TSPEAR: variants seen among roughly 807,000 people sequenced by gnomAD.
TSPEAR encodes the protein thrombospondin type laminin G domain and EAR repeats.
TSPEAR carries 69 observed loss-of-function variants against 71.6 expected under a neutral mutation model. That is an observed-to-expected ratio of 0.96 (90% CI 0.79 to 1.18). The LOEUF is 1.18. TSPEAR is among the 50% of genes most tolerant of loss of function. TSPEAR has a pLI of 0.00. For missense variants in TSPEAR, 971 were observed against 894.9 expected (o/e 1.09, Z -1.09); for synonymous variants, 402 against 387.2 (o/e 1.04, Z -0.45).
intron 1 of TSPEAR, among the ~76,000 whole-genome samples, chr21:44,645,358 C>CTT (rs34384761): frequency 3.1e-5 from 4 of 130,840 alleles, no homozygotes; most frequent in African/African-American, 1.1e-4. Context: ...GGCCACTTAG[C>CTT]TTTTTTTTTT....
chr21:44,526,036 A>T, intron 7 of TSPEAR, 197 bp from the exon 8 acceptor site: 1 of 494,788 alleles, frequency 2.0e-6, no homozygotes, highest in Non-Finnish European at 3.6e-6. Flanking sequence ...ATTCATCAAG[A>T]CCCTTGAAAA....
intron 1 of TSPEAR, chr21:44,592,463 C>A: frequency 6.2e-7 from 1 of 1,611,254 alleles, no homozygotes; most frequent in Non-Finnish European, 8.5e-7. Flanking sequence ...CTGGAGCAGA[C>A]GGACATGGTG....
chr21:44,572,431 G>A (rs1411325581), intron 1 of TSPEAR, among the ~76,000 whole-genome samples: 1 of 152,072 alleles, frequency 6.6e-6, no homozygotes, highest in Non-Finnish European at 1.5e-5. Flanking sequence ...CCGCTTTTCA[G>A]CCACTATTCC....
chr21:44,689,834 C>T lies in TSPEAR; in HGVS notation c.82+21599G>A, dbSNP rs537841606. On this transcript the variant is annotated intron_variant, in intron 1 of 11. Transcript: ENST00000323084. The stretch of plus-strand genomic sequence containing the variant: ...AGGAGCAAAGAGATCCAGTCTGAGT[C>T]CCAAAACTGAAGAACTTGGAGTCCA... 1.1e-4 allele frequency among the ~76,000 whole-genome samples: 16 copies of T among 149,722 alleles called. No individual in the cohort carries two copies. The South Asian group carries it at 3.5e-3, about 32-fold the overall frequency.
intron 2 of TSPEAR, among the ~76,000 whole-genome samples, chr21:44,553,800 G>A (rs587642091): frequency 8.1e-4 from 123 of 152,214 alleles, no homozygotes; most frequent in African/African-American, 2.8e-3. Context: ...AATAATACAC[G>A]ATCTGGAAAT....
chr21:44,608,036 G>A (rs1014324496), intron 1 of TSPEAR, among the ~76,000 whole-genome samples: 1 of 152,102 alleles, frequency 6.6e-6, no homozygotes. Context: ...GAGATCAGTC[G>A]TTTCCTGGGG....
rs1340642193 is a variant in TSPEAR at position 44,506,375 on chromosome 21, C to T, written c.1755-1494G>A. On this transcript the variant is annotated intron_variant, in intron 10 of 11. Transcript: ENST00000323084. The surrounding 1 kb of genome is among the most constrained non-coding windows in gnomAD (Gnocchi z 4.2). ...GCGTCCTGCTGACATGCAGGCCAGG[C>T]GGGTGCCTCTGTATTCAGCAGCCTC... Among the ~76,000 whole-genome samples, 5 of 152,246 alleles carry T rather than the reference C, an allele frequency of 3.3e-5. No homozygotes were observed. Among genetic ancestry groups the T allele is most frequent in the African/African-American group, 4.8e-5 (2 of 41,472 alleles).
intron 1 of TSPEAR, among the ~76,000 whole-genome samples, chr21:44,683,881 A>C (rs1986735284): frequency 6.6e-6 from 1 of 152,234 alleles, no homozygotes; most frequent in Non-Finnish European, 1.5e-5. Context: ...CAGTAGAGTA[A>C]TTGAAGCTAT....
In TSPEAR at chr21:44,535,264, C is replaced by T. The variant is rs141069231; in HGVS notation, c.304-1341G>A. On this transcript the variant is annotated intron_variant, in intron 2 of 11. Transcript: ENST00000323084. ...TTTTACCACAATTAAAAAACAAGAA[C>T]GTATACAAATGCGGTGTCCACCAAG... Among the ~76,000 whole-genome samples the T allele has an allele frequency of 5.5e-3, 837 of 152,166 alleles. 7 individuals carry two copies. Among genetic ancestry groups the T allele is most frequent in the African/African-American group, 0.019 (808 of 41,516 alleles).
At chr21:44,526,233 T>C (rs1184729448) in intron 7 of TSPEAR, among the ~76,000 whole-genome samples, 1 of 152,232 alleles carries the variant, frequency 6.6e-6, no homozygotes, top group Non-Finnish European at 1.5e-5. Flanking sequence ...CAAAGCTGTG[T>C]CAGGGCAATG....
At chr21:44,533,581 C>CA in intron 3 of TSPEAR, 104 bp downstream of exon 3, 1 of 1,000,694 alleles carries the variant, frequency 1.0e-6, no homozygotes, top group Non-Finnish European at 1.5e-6. Flanking sequence ...GCTCCTGCCC[C>CA]AGGACAGCTC....
intron 1 of TSPEAR, among the ~76,000 whole-genome samples, chr21:44,585,272 G>A (rs587609558): frequency 6.6e-6 from 1 of 152,288 alleles, no homozygotes; most frequent in Admixed American, 6.5e-5. Flanking sequence ...GGCCACCAGT[G>A]TGTCTCAGAT....
intron 1 of TSPEAR, among the ~76,000 whole-genome samples, chr21:44,658,698 C>T (rs73909222): frequency 0.015 from 2,218 of 152,088 alleles, 54 homozygotes; most frequent in African/African-American, 0.051. Flanking sequence ...TTCTGTCCCC[C>T]GACTCCCTCC....
chr21:44,674,780 GTGTGTA>G (rs1290397965), intron 1 of TSPEAR, among the ~76,000 whole-genome samples: 29 of 122,026 alleles, frequency 2.4e-4, no homozygotes, highest in African/African-American at 1.0e-3. Context: ...GTGTGTGTGT[GTGTGTA>G]TAACATTACC....
intron 10 of TSPEAR, among the ~76,000 whole-genome samples, chr21:44,507,301 C>T (rs2052225908): frequency 6.6e-6 from 1 of 152,186 alleles, no homozygotes. Context: ...AATAGAACTA[C>T]TGAATCTAAA....
At chr21:44,557,054 C>T (rs776850752) in intron 2 of TSPEAR, among the ~76,000 whole-genome samples, 7 of 152,286 alleles carry the variant, frequency 4.6e-5, no homozygotes, top group Admixed American at 2.0e-4. Flanking sequence ...AGGTGCATCT[C>T]GCGCTACCAT....
intron 1 of TSPEAR, among the ~76,000 whole-genome samples, chr21:44,703,882 C>T (rs1987778007): frequency 1.3e-5 from 2 of 152,178 alleles, no homozygotes; most frequent in Non-Finnish European, 2.9e-5. Context: ...ACACCAGTGC[C>T]ACCGCCCAGC....
intron 8 of TSPEAR, among the ~76,000 whole-genome samples, chr21:44,522,866 A>G (rs1273381185): frequency 6.6e-6 from 1 of 152,242 alleles, no homozygotes; most frequent in East Asian, 1.9e-4. Context: ...CATCCCTGCC[A>G]TGGGCCTGGG....
At chr21:44,572,529 C>A (rs1388612339) in intron 1 of TSPEAR, among the ~76,000 whole-genome samples, 1 of 152,036 alleles carries the variant, frequency 6.6e-6, no homozygotes, top group Non-Finnish European at 1.5e-5. Flanking sequence ...CTGTGCTACC[C>A]TCGCCACCCC....
Sources: gnomAD v4.1 joint callset for allele counts (sites outside exome capture counted in the v4.1 genomes callset) on GRCh38, gnomAD v4.1.1 for gene constraint, Gnocchi (gnomAD v3.1) non-coding constraint, MANE v1.5 for transcripts, NCBI Gene and HGNC (gene_info 2026-07-23, HGNC 2026-07-21) for gene names.